The following PTPRM variants were observed in gnomAD, a reference collection of about 807,000 sequenced individuals.
PTPRM encodes receptor-type tyrosine-protein phosphatase mu.
A neutral mutation model predicts 186.7 loss-of-function variants in PTPRM; 47 were observed. The ratio of observed to expected loss-of-function variants is 0.25; its 90% CI spans 0.20 to 0.32. The LOEUF (loss-of-function observed/expected upper bound fraction) is 0.32. Among genes scored for constraint, PTPRM ranks in the 10% least tolerant of loss-of-function variants. PTPRM has a pLI of 1.00. For missense variants in PTPRM, 1,494 were observed against 1,865.0 expected (o/e 0.80, Z 3.66); for synonymous variants, 668 against 674.9 (o/e 0.99, Z 0.16).
At chr18:8,048,718 C>G (rs1442921566) in intron 7 of PTPRM, among the ~76,000 whole-genome samples, 2 of 152,090 alleles carry the variant, frequency 1.3e-5, no homozygotes, top group African/African-American at 2.4e-5. Context: ...AGAAAACTAT[C>G]TAATCATAAG....
intron 14 of PTPRM, among the ~76,000 whole-genome samples, chr18:8,183,453 T>C (rs932280059): frequency 3.9e-5 from 6 of 152,200 alleles, no homozygotes; most frequent in Non-Finnish European, 5.9e-5. Flanking sequence ...AAGCTAATGC[T>C]GTGTTGTTTG....
At chr18:8,122,456 T>C (rs756184403) in intron 13 of PTPRM, 1 of 152,284 alleles carries the variant, frequency 6.6e-6, no homozygotes, top group Non-Finnish European at 1.5e-5. Flanking sequence ...TTTGCTCGTA[T>C]TAAATTAAGT....
At chr18:8,302,079 G>A (rs2095164338) in intron 20 of PTPRM, among the ~76,000 whole-genome samples, 2 of 152,188 alleles carry the variant, frequency 1.3e-5, no homozygotes, top group Admixed American at 1.3e-4. Context: ...TGAAGCTGAT[G>A]GTCCTGGAAG....
intron 20 of PTPRM, among the ~76,000 whole-genome samples, chr18:8,299,784 A>T (rs1433552467): frequency 6.6e-6 from 1 of 152,224 alleles, no homozygotes; most frequent in Non-Finnish European, 1.5e-5. Context: ...CACAGACAGT[A>T]CAGAAACAGA....
At chr18:7,733,329 C>T (rs1256158524) in intron 1 of PTPRM, among the ~76,000 whole-genome samples, 1 of 152,044 alleles carries the variant, frequency 6.6e-6, no homozygotes, top group Non-Finnish European at 1.5e-5. Flanking sequence ...TAAATGAGAA[C>T]ATGTGGTGTT....
At chr18:8,345,246 A>G (rs1463377663) in intron 23 of PTPRM, among the ~76,000 whole-genome samples, 1 of 152,110 alleles carries the variant, frequency 6.6e-6, no homozygotes, top group Non-Finnish European at 1.5e-5. Flanking sequence ...GAAAAAAAAA[A>G]GGAAATAATA....
intron 14 of PTPRM, among the ~76,000 whole-genome samples, chr18:8,193,861 T>G (rs1453905701): frequency 6.6e-6 from 1 of 152,232 alleles, no homozygotes; most frequent in Non-Finnish European, 1.5e-5. Flanking sequence ...CCTGTCTTCT[T>G]AAAGTACTGT....
chr18:7,629,595 T>A (rs979675651), intron 1 of PTPRM, among the ~76,000 whole-genome samples: 5 of 152,156 alleles, frequency 3.3e-5, no homozygotes, highest in African/African-American at 1.2e-4. Context: ...AGGTCAGCTT[T>A]GTGGTTGTAC....
At chr18:7,819,303 T>C (rs956380820) in intron 2 of PTPRM, among the ~76,000 whole-genome samples, 4 of 52,356 alleles carry the variant, frequency 7.6e-5, no homozygotes, top group African/African-American at 1.7e-4. Flanking sequence ...ATAAAAACTA[T>C]GAGACCCTAG....
At chr18:8,348,105 C>G (rs982204968) in intron 23 of PTPRM, among the ~76,000 whole-genome samples, 7 of 152,256 alleles carry the variant, frequency 4.6e-5, no homozygotes, top group African/African-American at 1.7e-4. Flanking sequence ...CCCAAGAAAT[C>G]AAAATGACAT....
At chr18:7,609,943 G>A (rs1358943615) in intron 1 of PTPRM, among the ~76,000 whole-genome samples, 1 of 152,078 alleles carries the variant, frequency 6.6e-6, no homozygotes, top group East Asian at 1.9e-4. Flanking sequence ...TTGTTTCCTT[G>A]GGAACGTCCT....
intron 5 of PTPRM, among the ~76,000 whole-genome samples, chr18:7,947,879 C>G (rs1466618503): frequency 6.6e-6 from 1 of 152,036 alleles, no homozygotes; most frequent in Non-Finnish European, 1.5e-5. Context: ...ACCTATACAC[C>G]CCAAACAACT....
intron 2 of PTPRM, among the ~76,000 whole-genome samples, chr18:7,860,265 G>C (rs1483080161): frequency 1.3e-5 from 2 of 151,948 alleles, no homozygotes; most frequent in South Asian, 4.1e-4. Flanking sequence ...TAGAGACGGG[G>C]TTTCACCATG....
At chr18:8,310,013 G>T (rs541619441) in intron 20 of PTPRM, among the ~76,000 whole-genome samples, 1 of 152,010 alleles carries the variant, frequency 6.6e-6, no homozygotes. Flanking sequence ...CCAACACTGC[G>T]TGCCTCATTT....
intron 1 of PTPRM, among the ~76,000 whole-genome samples, chr18:7,598,076 A>G (rs1346124082): frequency 6.6e-6 from 1 of 152,234 alleles, no homozygotes; most frequent in Non-Finnish European, 1.5e-5. Flanking sequence ...ATAAATTTAG[A>G]TCATATTTGT....
intron 29 of PTPRM, among the ~76,000 whole-genome samples, chr18:8,383,910 T>C (rs929576369): frequency 6.6e-6 from 1 of 152,176 alleles, no homozygotes; most frequent in African/African-American, 2.4e-5. Flanking sequence ...ACCTAGTGCC[T>C]CTCCCCGGGG....
chr18:7,581,064 C>A (rs545389651), intron 1 of PTPRM, among the ~76,000 whole-genome samples: 3 of 152,106 alleles, frequency 2.0e-5, no homozygotes, highest in Non-Finnish European at 4.4e-5. Flanking sequence ...TTTTTTCTGT[C>A]GGCTGTTAGA....
intron 1 of PTPRM, among the ~76,000 whole-genome samples, chr18:7,626,017 A>G (rs975869893): frequency 1.3e-5 from 2 of 152,162 alleles, no homozygotes; most frequent in African/African-American, 4.8e-5. Flanking sequence ...TTTTCCTGTA[A>G]TATAGAGAAA....
intron 1 of PTPRM, among the ~76,000 whole-genome samples, chr18:7,712,788 A>G (rs1279186119): frequency 6.6e-6 from 1 of 151,956 alleles, no homozygotes; most frequent in Non-Finnish European, 1.5e-5. Flanking sequence ...AGATCAACTT[A>G]ATGAAATAAA....
Sources: allele counts gnomAD v4.1 joint callset (sites outside exome capture counted in the v4.1 genomes callset), GRCh38; gene constraint gnomAD v4.1.1; transcripts MANE v1.5; gene names NCBI Gene and HGNC (gene_info 2026-07-23, HGNC 2026-07-21).